Variants in NBAS observed in about 807,000 individuals in gnomAD.
NBAS encodes NAG/BC035112 fusion.
In NBAS, 219 loss-of-function variants were observed where a neutral mutation model predicts 302.5. The ratio of observed to expected loss-of-function variants is 0.72; its 90% CI spans 0.65 to 0.81. The LOEUF (loss-of-function observed/expected upper bound fraction) is 0.81. Among genes scored for constraint, NBAS ranks in the 30% least tolerant of loss-of-function variants. The pLI is 0.00. For synonymous variants in NBAS, 1,118 were observed against 1,021.6 expected (o/e 1.09, Z -1.80); for missense variants, 2,932 against 2,841.6 (o/e 1.03, Z -0.72).
chr2:15,440,882 G>C (rs899221217), intron 21 of NBAS, among the ~76,000 whole-genome samples: 1 of 151,918 alleles, frequency 6.6e-6, no homozygotes, highest in Non-Finnish European at 1.5e-5. Context: ...GAGCCGATGC[G>C]ATCAACTGGA....
chr2:14,909,420 C>A, the NBAS span, among the ~76,000 whole-genome samples: 2 of 135,666 alleles, frequency 1.5e-5, no homozygotes, highest in Admixed American at 1.5e-4. Flanking sequence ...TGGAACAAAA[C>A]CAGATCACTT....
the NBAS span, among the ~76,000 whole-genome samples, chr2:14,896,928 G>T: frequency 6.6e-6 from 1 of 152,136 alleles, no homozygotes; most frequent in Non-Finnish European, 1.5e-5. Context: ...CAAAAGAAGA[G>T]CCTCTAGTTC....
At chr2:14,921,107 G>A in the NBAS span, among the ~76,000 whole-genome samples, 1 of 152,036 alleles carries the variant, frequency 6.6e-6, no homozygotes, top group Non-Finnish European at 1.5e-5. Context: ...TCACTTGAAT[G>A]CTTAGAGACC....
the NBAS span, among the ~76,000 whole-genome samples, chr2:15,133,993 C>T: frequency 6.6e-6 from 1 of 151,978 alleles, no homozygotes; most frequent in Non-Finnish European, 1.5e-5. Context: ...CACTTCCATG[C>T]CCACTGCCTG....
intron 50 of NBAS, 68 bp from the exon 51 acceptor site, chr2:15,179,184 G>A: frequency 6.2e-7 from 1 of 1,610,684 alleles, no homozygotes; most frequent in South Asian, 1.1e-5. Flanking sequence ...GTTCTGGCTG[G>A]ATCATTCCAC....
chr2:15,042,960 C>T, the NBAS span, among the ~76,000 whole-genome samples: 2 of 152,268 alleles, frequency 1.3e-5, no homozygotes, highest in South Asian at 2.1e-4. Context: ...AGAAGGCAGC[C>T]ATACACAACA....
intron 5 of NBAS, among the ~76,000 whole-genome samples, chr2:15,553,046 G>A (rs140382576): frequency 1.0e-3 from 158 of 152,170 alleles, no homozygotes; most frequent in African/African-American, 3.7e-3. Flanking sequence ...CTTGTGATCT[G>A]CCCGCCTCGG....
intron 42 of NBAS, among the ~76,000 whole-genome samples, chr2:15,282,448 T>C (rs1049370655): frequency 2.0e-5 from 3 of 152,212 alleles, no homozygotes; most frequent in African/African-American, 4.8e-5. Context: ...TCTCCTCAGA[T>C]AGACCTTGTT....
the NBAS span, among the ~76,000 whole-genome samples, chr2:14,789,865 C>T: frequency 1.3e-5 from 2 of 152,088 alleles, no homozygotes; most frequent in Non-Finnish European, 2.9e-5. Flanking sequence ...AGATGTTCAG[C>T]AAATGTTTAA....
intron 44 of NBAS, among the ~76,000 whole-genome samples, chr2:15,253,924 G>T (rs1668470360): frequency 6.6e-6 from 1 of 152,144 alleles, no homozygotes; most frequent in Admixed American, 6.6e-5. Context: ...TTAGTTTATA[G>T]TTTAAATGAT....
intron 48 of NBAS, among the ~76,000 whole-genome samples, chr2:15,215,502 T>C (rs1666611806): frequency 6.6e-6 from 1 of 152,222 alleles, no homozygotes; most frequent in South Asian, 2.1e-4. Flanking sequence ...CATTTTTTGG[T>C]AACTGAACAT....
chr2:15,443,600 G>A (rs1678559312), intron 21 of NBAS, among the ~76,000 whole-genome samples: 1 of 150,930 alleles, frequency 6.6e-6, no homozygotes, highest in Admixed American at 6.6e-5. Context: ...CACAAGACAG[G>A]GATGCCCTCT....
At chr2:15,166,281 G>C (rs1187024259), downstream of NBAS, among the ~76,000 whole-genome samples, 3 of 152,156 alleles carry the variant, frequency 2.0e-5, no homozygotes, top group African/African-American at 7.2e-5. Flanking sequence ...GTGCATGCTG[G>C]CTCTGTTCCC....
At chr2:15,221,826 G>A (rs1049525260) in intron 47 of NBAS, among the ~76,000 whole-genome samples, 4 of 152,326 alleles carry the variant, frequency 2.6e-5, no homozygotes, top group Admixed American at 2.6e-4. Flanking sequence ...GGTAAGGAAA[G>A]ATAGGCTTTC....
At chr2:15,002,591 A>G in the NBAS span, among the ~76,000 whole-genome samples, 1 of 152,128 alleles carries the variant, frequency 6.6e-6, no homozygotes, top group Admixed American at 6.5e-5. Context: ...AGGGGGTGGC[A>G]CTCACTGGGG....
rs187288466 is a variant in NBAS at position 15,375,754 on chromosome 2, G to T, written c.3591-1034C>A. Among the ~76,000 whole-genome samples, 120 of 152,088 alleles carry T rather than the reference G, an allele frequency of 7.9e-4. 2 individuals carry two copies. Among genetic ancestry groups the T allele is most frequent in the Admixed American group, 6.6e-5 (1 of 15,260 alleles). On this transcript the variant is annotated intron_variant, in intron 30 of 51. Transcript: ENST00000281513. The stretch of plus-strand genomic sequence containing the variant: ...CGCACATGCTCAAAGACATATAATT[G>T]TGGGTGCTCACTACCAAATTGTTTT...
chr2:15,431,793 G>A (rs1677778687), intron 21 of NBAS, among the ~76,000 whole-genome samples: 1 of 151,852 alleles, frequency 6.6e-6, no homozygotes, highest in Non-Finnish European at 1.5e-5. Context: ...AGTAGTAATG[G>A]TATACATCTA....
chr2:15,561,226 A>G lies in NBAS; in HGVS notation c.79T>C (p.Leu27=). The change falls in exon 1 of 52, where the codon TTG becomes CTG. Residue 27 remains leucine (L), a synonymous_variant. Coordinates refer to ENST00000281513, the MANE Select transcript of NBAS (RefSeq NM_015909.4). ...GEEETILYDL[L]VNTEWPPETE... Reference sequence around the variant, plus strand: ...TCCGGTGGCCACTCGGTGTTGACCAACAAGTCATAGAGAATCGTCTCCTCC... The same window carrying G: ...TCCGGTGGCCACTCGGTGTTGACCAGCAAGTCATAGAGAATCGTCTCCTCC... 4 of 1,613,980 alleles carry G rather than the reference A, an allele frequency of 2.5e-6. No homozygotes were observed. In the Middle Eastern group the frequency reaches 6.6e-4, roughly 267 times the overall value.
At chr2:15,486,097 G>A (rs543984904) in intron 12 of NBAS, among the ~76,000 whole-genome samples, 35 of 152,212 alleles carry the variant, frequency 2.3e-4, no homozygotes, top group Non-Finnish European at 4.3e-4. Context: ...ACTCTGAACC[G>A]GGGAAGGGAC....
Sources: gnomAD v4.1 joint callset for allele counts (sites outside exome capture counted in the v4.1 genomes callset) on GRCh38, gnomAD v4.1.1 for gene constraint, MANE v1.5 for transcripts, NCBI Gene and HGNC (gene_info 2026-07-23, HGNC 2026-07-21) for gene names.